The following GUSB variants were observed in gnomAD, a reference collection of about 807,000 sequenced individuals.
GUSB encodes the protein glucuronidase beta.
GUSB carries 51 observed loss-of-function variants against 74.6 expected under a neutral mutation model. The ratio of observed to expected loss-of-function variants is 0.68; its 90% CI spans 0.55 to 0.86. GUSB has a LOEUF of 0.86. GUSB is among the 40% of genes least tolerant of loss of function. The probability of loss-of-function intolerance (pLI) is 0.00; values close to 1 mark genes in which losing one functional copy is unlikely to be tolerated. For synonymous variants in GUSB, 360 were observed against 348.3 expected (o/e 1.03, Z -0.37); for missense variants, 736 against 853.7 (o/e 0.86, Z 1.72).
chr7:65,980,786 G>T, intron 1 of GUSB: 1 of 347,568 alleles, frequency 2.9e-6, no homozygotes, highest in Non-Finnish European at 5.6e-6. Context: ...CTGTGAGTGG[G>T]GTGCACACTG....
At chr7:65,970,035 G>A (rs1489574333) in intron 9 of GUSB, among the ~76,000 whole-genome samples, 1 of 152,126 alleles carries the variant, frequency 6.6e-6, no homozygotes, top group Non-Finnish European at 1.5e-5. Context: ...CGGCCGGGGT[G>A]TGGTGGCCCA....
At chr7:65,980,715 C>A in intron 1 of GUSB, 1 of 439,984 alleles carries the variant, frequency 2.3e-6, no homozygotes, top group South Asian at 2.1e-5. Context: ...AGGCAGATGG[C>A]CACTGCCTGT....
At position 65,974,919 on chromosome 7, in the gene GUSB, G is replaced by A. The variant is rs758070679; in HGVS notation, c.1065C>T (p.Asp355=). The A allele has an allele frequency of 5.0e-5, 80 of 1,613,384 alleles. No individual in the cohort carries two copies. Among genetic ancestry groups the A allele is most frequent in the South Asian group, 6.6e-5 (6 of 91,052 alleles). ...FHGVNKHEDA[D]IRGKGFDWPL... ...CAAGGACCCAGGAGCCCCAACACAC[G>A]TCCGCATCCTCATGCTTGTTGACAC... is the stretch of plus-strand genomic sequence containing the variant. The change falls in exon 6 of 12, where the codon GAC becomes GAT. Residue 355 remains aspartate, a splice_region_variant and synonymous_variant. Transcript: ENST00000304895.
rs1791412427 is a variant in GUSB at position 65,974,335 on chromosome 7, C to T, written c.1351G>A (p.Glu451Lys). The change falls in exon 8 of 12, where the codon GAG becomes AAG. Residue 451 changes from glutamate to lysine, a missense_variant. By Grantham distance (56) the Glu-to-Lys change is moderately conservative. Around this residue, in one of 2 missense-constraint regions of GUSB, gnomAD observed 368 missense variants for 489.9 expected, o/e 0.75. Transcript: ENST00000304895. ...PAVVMWSVAN[E>K]PASHLESAGY... ...GCAGATTCTAGGTGGGACGCAGGCT[C>T]GTTGGCCACAGACCACATCACGACC... is the stretch of plus-strand genomic sequence containing the variant. 1.9e-6 allele frequency: 3 copies of T among 1,614,154 alleles called. No individual in the cohort carries two copies. The highest frequency in any genetic ancestry group is 2.5e-6 in the Non-Finnish European group (3 of 1,180,020).
intron 4 of GUSB, 113 bp downstream of exon 4, chr7:65,979,286 C>A: frequency 9.5e-7 from 1 of 1,056,608 alleles, no homozygotes; most frequent in Non-Finnish European, 1.5e-6. Context: ...GGAAGGGAAT[C>A]TGTGAGGGTG....
At chr7:65,980,184 T>TTC in intron 2 of GUSB, 40 bp downstream of exon 2, 5 of 720,098 alleles carry the variant, frequency 6.9e-6, no homozygotes, top group South Asian at 3.1e-5. Context: ...TCAGCAGCCG[T>TTC]GCCCCCCCAC....
chr7:65,970,136 C>G (rs868577103), intron 9 of GUSB, 146 bp downstream of exon 9: 1 of 662,716 alleles, frequency 1.5e-6, no homozygotes, highest in Non-Finnish European at 2.8e-6. Context: ...TGGCAAGACC[C>G]TGTCTCTATC....
intron 11 of GUSB, among the ~76,000 whole-genome samples, chr7:65,962,235 TG>T (rs1790548901): frequency 6.6e-6 from 1 of 152,070 alleles, no homozygotes; most frequent in Non-Finnish European, 1.5e-5. Context: ...CCGCCGGGGC[TG>T]ACGTCCAGCT....
chr7:65,962,942 T>TC, intron 11 of GUSB, among the ~76,000 whole-genome samples: 1 of 151,692 alleles, frequency 6.6e-6, no homozygotes, highest in East Asian at 2.0e-4. Context: ...CATTGCAACC[T>TC]CCATCTCCCA....
rs3830444 is a variant in GUSB, at chr7:65,979,372, T to TGA, written c.724+25_724+26dup. Reference sequence around the variant, plus strand: ...CAAACAGAGCCACCCTGGGCCCCGCTGAGAGGATCCTACCAGAAGCCCTCA... The same window carrying TGA: ...CAAACAGAGCCACCCTGGGCCCCGCTGAGAGAGGATCCTACCAGAAGCCCTCA... On this transcript the variant is annotated intron_variant, in intron 4 of 11. Coordinates refer to ENST00000304895, the MANE Select transcript of GUSB (RefSeq NM_000181.4). The TGA allele has an allele frequency of 0.54, 865,693 of 1,608,378 alleles. 238,717 individuals carry two copies. The highest frequency in any genetic ancestry group is 0.86 in the East Asian group (38,449 of 44,826).
At chr7:65,967,382 A>T (rs1460937180) in intron 10 of GUSB, among the ~76,000 whole-genome samples, 1 of 152,118 alleles carries the variant, frequency 6.6e-6, no homozygotes, top group African/African-American at 2.4e-5. Flanking sequence ...TGAGCCCAGG[A>T]GGTTAAGGCT....
chr7:65,976,135 A>G lies in GUSB; in HGVS notation c.792T>C (p.Asp264=). The G allele has an allele frequency of 6.2e-7, 1 of 1,613,674 alleles. No homozygotes were observed. The highest frequency in any genetic ancestry group is 8.5e-7 in the Non-Finnish European group (1 of 1,179,728). The change falls in exon 5 of 12, where the codon GAT becomes GAC. Residue 264 remains aspartate, a synonymous_variant. Transcript: ENST00000304895. Reference sequence around the variant, plus strand: ...CATTCGCCACGACTTTGTTTTCTGCATCCAAAAGACGCACTTCCAACTTGA... The same window carrying G: ...CATTCGCCACGACTTTGTTTTCTGCGTCCAAAAGACGCACTTCCAACTTGA... The part of the protein sequence containing the change: ...NLFKLEVRLL[D]AENKVVANGT...
Position 65,973,037 on chromosome 7 carries a change from GGAA to G in GUSB, c.1391+1255_1391+1257del, listed in dbSNP as rs372470402. On this transcript the variant is annotated intron_variant, in intron 8 of 11. Coordinates refer to ENST00000304895, the MANE Select transcript of GUSB (RefSeq NM_000181.4). ...CTGAGTTAGAACTGCACGATTGTAA[GGAA>G]GAAAAGGGGGCCAGGTGTGGTGGTT... Among the ~76,000 whole-genome samples the G allele has an allele frequency of 1.6e-4, 25 of 152,346 alleles. No homozygotes were observed. The East Asian group carries it at 4.1e-3, about 25-fold the overall frequency.
chr7:65,981,892 A>T, intron 1 of GUSB, 82 bp downstream of exon 1: 1 of 1,236,280 alleles, frequency 8.1e-7, no homozygotes, highest in South Asian at 1.4e-5. Flanking sequence ...CGCCCAGGGG[A>T]AGAAGTCTGC....
rs1554303791 is a variant in GUSB, at chr7:65,961,054, C to CT, written c.1798dup (p.Arg600LysfsTer6). 1 of 1,612,222 alleles carries CT rather than the reference C, an allele frequency of 6.2e-7. No individual in the cohort carries two copies. Among genetic ancestry groups the CT allele is most frequent in the Non-Finnish European group, 8.5e-7 (1 of 1,179,532 alleles). ...GATCCCCTTTTTATTCCCCAGCACT[C>CT]TCGTCGGTGCTACAAAAAAAAAAAA... On this transcript the variant is annotated frameshift_variant, in exon 12 of 12. Transcript: ENST00000304895. LOFTEE classifies it low-confidence loss of function (END_TRUNC).
intron 11 of GUSB, among the ~76,000 whole-genome samples, chr7:65,963,068 T>C (rs541343440): frequency 6.6e-6 from 1 of 151,976 alleles, no homozygotes; most frequent in Non-Finnish European, 1.5e-5. Context: ...ATGTTGGCCA[T>C]GCTGGTCTCA....
At chr7:65,979,575 T>C in intron 3 of GUSB, 34 bp from the exon 4 acceptor site, 1 of 1,613,562 alleles carries the variant, frequency 6.2e-7, no homozygotes, top group Non-Finnish European at 8.5e-7. Flanking sequence ...GCTGGGCCCT[T>C]GCTCTGGGTC....
At chr7:65,975,786 G>GGCT (rs1255722394) in intron 5 of GUSB, 3 of 470,220 alleles carry the variant, frequency 6.4e-6, no homozygotes, top group Non-Finnish European at 1.1e-5. Flanking sequence ...GAGAGTTCAA[G>GGCT]GCTGCAGTGA....
At chr7:65,981,195 C>T (rs1481816782) in intron 1 of GUSB, among the ~76,000 whole-genome samples, 5 of 150,158 alleles carry the variant, frequency 3.3e-5, no homozygotes, top group African/African-American at 9.8e-5. Context: ...TAAATAGTGA[C>T]ACCCTGTATC....
Sources: allele counts gnomAD v4.1 joint callset (sites outside exome capture counted in the v4.1 genomes callset), GRCh38; gene constraint gnomAD v4.1.1; regional missense constraint gnomAD v4.1.1; transcripts MANE v1.5; gene names NCBI Gene and HGNC (gene_info 2026-07-23, HGNC 2026-07-21).